Variants in ARSB observed in about 807,000 individuals in gnomAD.
ARSB encodes arylsulfatase B, also known as N-acetylgalactosamine-4-sulfatase.
Under a neutral mutation model 50.9 loss-of-function variants are expected in ARSB, and 41 were observed. The observed-to-expected ratio is 0.81, with a 90% CI of 0.63 to 1.04. The LOEUF (loss-of-function observed/expected upper bound fraction) is 1.04, where lower values mean the gene tolerates loss of function less well. Among genes scored for constraint, ARSB ranks in the 50% least tolerant of loss-of-function variants. The probability of loss-of-function intolerance (pLI) is 0.00; values close to 1 mark genes in which losing one functional copy is unlikely to be tolerated. For synonymous variants in ARSB, 269 were observed against 284.8 expected, an observed-to-expected ratio of 0.94 and a Z score of 0.56; for missense variants, 672 against 693.3, an observed-to-expected ratio of 0.97 and a Z score of 0.35.
intron 4 of ARSB, among the ~76,000 whole-genome samples, chr5:78,890,988 G>A (rs888611414): frequency 3.4e-5 from 5 of 146,290 alleles, no homozygotes; most frequent in African/African-American, 1.4e-4. Context: ...ACTTAGCTCT[G>A]TCTATTGTTA....
chr5:78,916,300 A>G (rs867500997), intron 4 of ARSB, among the ~76,000 whole-genome samples: 2 of 152,244 alleles, frequency 1.3e-5, no homozygotes, highest in South Asian at 4.1e-4. Flanking sequence ...AAGAGAAAAA[A>G]GGCCCAGAAA....
chr5:78,934,404 AAAT>A (rs1296218053), intron 4 of ARSB, among the ~76,000 whole-genome samples: 8 of 152,240 alleles, frequency 5.3e-5, no homozygotes, highest in African/African-American at 1.9e-4. Flanking sequence ...AGTATAATAA[AAAT>A]AAAATACTAC....
At chr5:78,894,545 T>C (rs163215) in intron 4 of ARSB, among the ~76,000 whole-genome samples, 10,858 of 152,214 alleles carry the variant, frequency 0.071, 671 homozygotes, top group East Asian at 0.32. Flanking sequence ...ATCTCACTGA[T>C]GTTTGGGTGT....
In ARSB at chr5:78,836,518, A is replaced by G. The variant is rs186817742; in HGVS notation, c.1213+2838T>C. 3.3e-5 allele frequency among the ~76,000 whole-genome samples: 5 copies of G among 152,330 alleles called. No homozygotes were observed. In the East Asian group the frequency reaches 9.6e-4, roughly 29 times the overall value. The stretch of plus-strand genomic sequence containing the variant: ...CAGTACTGGGTCTTATAATTCTACC[A>G]CATAATACATAGGAAACTGAGTCCA... On this transcript the variant is annotated intron_variant, in intron 6 of 7. Coordinates refer to ENST00000264914, the MANE Select transcript of ARSB (RefSeq NM_000046.5).
At chr5:78,947,097 C>A (rs1213483886) in intron 4 of ARSB, among the ~76,000 whole-genome samples, 3 of 151,090 alleles carry the variant, frequency 2.0e-5, no homozygotes, top group East Asian at 1.9e-4. Context: ...TGAAACTAGA[C>A]CCCTATCTCT....
intron 5 of ARSB, among the ~76,000 whole-genome samples, chr5:78,851,934 T>C (rs912110883): frequency 7.2e-5 from 11 of 152,302 alleles, no homozygotes; most frequent in African/African-American, 9.6e-5. Context: ...TCCATCCTTT[T>C]ATTTTGAGCC....
chr5:78,855,131 C>T (rs1746071321), intron 5 of ARSB, among the ~76,000 whole-genome samples: 1 of 152,188 alleles, frequency 6.6e-6, no homozygotes, highest in South Asian at 2.1e-4. Flanking sequence ...AGCTCAGCCA[C>T]TGCTCTGTTT....
intron 4 of ARSB, among the ~76,000 whole-genome samples, chr5:78,954,365 A>G (rs1030676202): frequency 6.6e-6 from 1 of 152,226 alleles, no homozygotes; most frequent in Non-Finnish European, 1.5e-5. Flanking sequence ...GAGAGGGGGA[A>G]GTTGCACATG....
At chr5:78,962,524 A>AGTTTTTTTT (rs1752034200) in intron 3 of ARSB, among the ~76,000 whole-genome samples, 1 of 106,222 alleles carries the variant, frequency 9.4e-6, no homozygotes, top group African/African-American at 4.0e-5. Context: ...CATGTGCTCG[A>AGTTTTTTTT]TTTTTTTTTT....
intron 5 of ARSB, among the ~76,000 whole-genome samples, chr5:78,862,583 C>A (rs1002829352): frequency 2.0e-5 from 3 of 152,148 alleles, no homozygotes; most frequent in Non-Finnish European, 4.4e-5. Context: ...TTCCTTACAC[C>A]TTATACAAAA....
chr5:78,824,356 C>T (rs1447613725), intron 6 of ARSB, among the ~76,000 whole-genome samples: 2 of 152,126 alleles, frequency 1.3e-5, no homozygotes, highest in Non-Finnish European at 2.9e-5. Flanking sequence ...AATACTTATA[C>T]AAATATTTTA....
chr5:78,979,717 T>C (rs1752816352), intron 1 of ARSB, among the ~76,000 whole-genome samples: 1 of 152,222 alleles, frequency 6.6e-6, no homozygotes, highest in African/African-American at 2.4e-5. Flanking sequence ...TGAATTTTCA[T>C]GGCCATGGGA....
chr5:78,803,450 G>A (rs1317908846), intron 6 of ARSB, among the ~76,000 whole-genome samples: 3 of 152,204 alleles, frequency 2.0e-5, no homozygotes, highest in African/African-American at 7.2e-5. Context: ...TTGATCACGA[G>A]GTAATTACTG....
At chr5:78,805,591 GCA>G (rs1743529576) in intron 6 of ARSB, among the ~76,000 whole-genome samples, 1 of 152,150 alleles carries the variant, frequency 6.6e-6, no homozygotes, top group East Asian at 1.9e-4. Flanking sequence ...ACTCTTCTCA[GCA>G]CTGGGTGTTT....
At chr5:78,833,533 C>G (rs898156196) in intron 6 of ARSB, among the ~76,000 whole-genome samples, 9 of 152,130 alleles carry the variant, frequency 5.9e-5, no homozygotes, top group African/African-American at 2.2e-4. Context: ...CACACTCTGA[C>G]ACAGGTCATG....
chr5:78,829,324 A>G (rs1486191837), intron 6 of ARSB, among the ~76,000 whole-genome samples: 1 of 152,262 alleles, frequency 6.6e-6, no homozygotes, highest in Non-Finnish European at 1.5e-5. Context: ...CTTCATTCAC[A>G]TTAAAATCAA....
chr5:78,972,651 C>A (rs1752505189), intron 1 of ARSB, among the ~76,000 whole-genome samples: 1 of 152,074 alleles, frequency 6.6e-6, no homozygotes, highest in South Asian at 2.1e-4. Context: ...AATTGGCAAC[C>A]AGGCAGGATA....
At chr5:78,848,161 G>T (rs1339278875) in intron 5 of ARSB, among the ~76,000 whole-genome samples, 1 of 150,368 alleles carries the variant, frequency 6.7e-6, no homozygotes, top group Admixed American at 6.6e-5. Flanking sequence ...CTGTTGTGCT[G>T]CACCCATTAA....
intron 5 of ARSB, among the ~76,000 whole-genome samples, chr5:78,856,108 T>C (rs1398736820): frequency 6.6e-6 from 1 of 152,220 alleles, no homozygotes; most frequent in Admixed American, 6.5e-5. Context: ...TAGCCAGTTA[T>C]CCCAGCACTA....
Sources: allele counts gnomAD v4.1 joint callset (sites outside exome capture counted in the v4.1 genomes callset), GRCh38; gene constraint gnomAD v4.1.1; transcripts MANE v1.5; gene names NCBI Gene and HGNC (gene_info 2026-07-23, HGNC 2026-07-21).